Variants in AGMO observed in about 807,000 individuals in gnomAD.
AGMO encodes alkylglycerol monooxygenase.
In AGMO, 75 loss-of-function variants were observed where a neutral mutation model predicts 60.2. The ratio of observed to expected loss-of-function variants is 1.25; its 90% confidence interval spans 1.03 to 1.51. The LOEUF is 1.51. AGMO is among the 40% of genes most tolerant of loss of function. The pLI is 0.00. For synonymous variants in AGMO, 261 were observed against 177.1 expected (o/e 1.47, Z -3.76); for missense variants, 763 against 525.5 (o/e 1.45, Z -4.42).
At position 15,441,939 on chromosome 7, in the gene AGMO, G is replaced by T. The variant is rs577051092; in HGVS notation, c.410-10831C>A. Among the ~76,000 whole-genome samples, 58 of 152,182 alleles carry T rather than the reference G, an allele frequency of 3.8e-4. 1 individual carries two copies. In the South Asian group the frequency reaches 6.2e-3, roughly 16 times the overall value. ...ACCCCTGTCAACAAAATCTTACCAG[G>T]ATCTCTTTGCTACTAATCAGGACTT... On this transcript the variant is annotated intron_variant, in intron 3 of 12. Transcript: ENST00000342526.
chr7:15,233,615 A>C (rs1482692361), intron 12 of AGMO, among the ~76,000 whole-genome samples: 1 of 152,004 alleles, frequency 6.6e-6, no homozygotes, highest in Non-Finnish European at 1.5e-5. Context: ...ATTACACAGC[A>C]TTGTCCATGT....
At chr7:15,199,282 C>G (rs573672514), downstream of AGMO, among the ~76,000 whole-genome samples, 4 of 152,156 alleles carry the variant, frequency 2.6e-5, no homozygotes, top group South Asian at 8.3e-4. Flanking sequence ...AATAGAAAAC[C>G]ATTCACAATC....
At chr7:15,350,312 T>C (rs1782194344) in intron 12 of AGMO, among the ~76,000 whole-genome samples, 1 of 152,122 alleles carries the variant, frequency 6.6e-6, no homozygotes, top group Non-Finnish European at 1.5e-5. Context: ...TGGTAAATAT[T>C]CAGCAAATAT....
intron 12 of AGMO, among the ~76,000 whole-genome samples, chr7:15,249,713 T>C (rs890138502): frequency 6.6e-6 from 1 of 151,988 alleles, no homozygotes; most frequent in Admixed American, 6.6e-5. Flanking sequence ...AAAGGGGTGG[T>C]GGGATTTGAA....
chr7:15,208,776 T>C (rs1338992124), intron 12 of AGMO, among the ~76,000 whole-genome samples: 1 of 152,218 alleles, frequency 6.6e-6, no homozygotes, highest in Admixed American at 6.5e-5. Flanking sequence ...TTTCATTTAA[T>C]TTTTCTGCAT....
chr7:15,126,969 T>C, the AGMO span, among the ~76,000 whole-genome samples: 1 of 152,206 alleles, frequency 6.6e-6, no homozygotes, highest in Middle Eastern at 3.4e-3. Context: ...AACCCAAACA[T>C]TTCCTTTCTA....
rs187325282 is a variant in AGMO, at chr7:15,529,803, T to G, written c.409+14969A>C. ...TTCTCTATATATATTTCTCTATATATATATTCTATATATATATTTCCATAT... is the reference window on the plus strand; with the variant it reads ...TTCTCTATATATATTTCTCTATATAGATATTCTATATATATATTTCCATAT... On this transcript the variant is annotated intron_variant, in intron 3 of 12. Coordinates refer to ENST00000342526, the MANE Select transcript of AGMO (RefSeq NM_001004320.2). Among the ~76,000 whole-genome samples the G allele has an allele frequency of 1.2e-3, 67 of 54,322 alleles. 14 individuals carry two copies. Among genetic ancestry groups the G allele is most frequent in the African/African-American group, 6.7e-3 (63 of 9,402 alleles). The allele number at this position is 54,322 out of a possible 152,430, so 35.6% of individuals were successfully genotyped here.
intron 5 of AGMO, among the ~76,000 whole-genome samples, chr7:15,401,085 T>C (rs1011435381): frequency 6.6e-6 from 1 of 152,134 alleles, no homozygotes; most frequent in South Asian, 2.1e-4. Flanking sequence ...AAATGCTTAC[T>C]CTGATCACAA....
chr7:15,296,102 A>C (rs576320472), intron 12 of AGMO, among the ~76,000 whole-genome samples: 1 of 152,314 alleles, frequency 6.6e-6, no homozygotes, highest in East Asian at 1.9e-4. Context: ...ATTTGACTTA[A>C]GATGTTAGTC....
At chr7:15,497,802 G>C (rs1783272173) in intron 3 of AGMO, among the ~76,000 whole-genome samples, 1 of 152,022 alleles carries the variant, frequency 6.6e-6, no homozygotes, top group South Asian at 2.1e-4. Flanking sequence ...GCATTTTTGG[G>C]TCCATCTCTA....
intron 12 of AGMO, among the ~76,000 whole-genome samples, chr7:15,360,244 T>C (rs913822910): frequency 1.3e-5 from 2 of 152,136 alleles, no homozygotes; most frequent in African/African-American, 4.8e-5. Context: ...AAAATTAAAA[T>C]AACTACAAGC....
At chr7:15,394,950 TTC>T (rs1784310499) in intron 5 of AGMO, among the ~76,000 whole-genome samples, 1 of 152,196 alleles carries the variant, frequency 6.6e-6, no homozygotes, top group Non-Finnish European at 1.5e-5. Context: ...ATTCCCCTAG[TTC>T]TGAGTCTATA....
intron 3 of AGMO, among the ~76,000 whole-genome samples, chr7:15,528,465 TA>T (rs746925331): frequency 2.0e-5 from 3 of 152,066 alleles, no homozygotes; most frequent in Non-Finnish European, 4.4e-5. Context: ...TGTCTTGTGG[TA>T]ATCCTGATCT....
intron 3 of AGMO, among the ~76,000 whole-genome samples, chr7:15,531,347 CTATATATATTCTA>C (rs1442035433): frequency 0.068 from 3,478 of 51,208 alleles, 367 homozygotes; most frequent in Non-Finnish European, 0.094. Flanking sequence ...TATATATATT[CTATATATATTCTA>C]TATATATATT....
chr7:15,413,612 T>C (rs1432869577), intron 5 of AGMO, among the ~76,000 whole-genome samples: 1 of 152,082 alleles, frequency 6.6e-6, no homozygotes, highest in African/African-American at 2.4e-5. Context: ...AATAATGATA[T>C]GAAAATTGAA....
chr7:15,457,339 A>G (rs1782025258), intron 3 of AGMO, among the ~76,000 whole-genome samples: 1 of 152,186 alleles, frequency 6.6e-6, no homozygotes, highest in South Asian at 2.1e-4. Context: ...GCTATCCTGC[A>G]GTAAAGAAAC....
intron 12 of AGMO, among the ~76,000 whole-genome samples, chr7:15,289,567 A>C (rs1338112482): frequency 6.6e-6 from 1 of 152,130 alleles, no homozygotes; most frequent in African/African-American, 2.4e-5. Context: ...GTCTAATTGC[A>C]TAAGCAGTTC....
chr7:15,161,172 CA>C, the AGMO span, among the ~76,000 whole-genome samples: 1 of 152,144 alleles, frequency 6.6e-6, no homozygotes. Context: ...AAGATTCCAA[CA>C]AATGCTTTTG....
intron 12 of AGMO, among the ~76,000 whole-genome samples, chr7:15,222,335 G>A (rs1399171173): frequency 1.3e-5 from 2 of 152,002 alleles, no homozygotes; most frequent in African/African-American, 4.8e-5. Flanking sequence ...TTGGAAGTCA[G>A]AATGAACTTA....
Sources: gnomAD v4.1 joint callset for allele counts (sites outside exome capture counted in the v4.1 genomes callset) on GRCh38, gnomAD v4.1.1 for gene constraint, MANE v1.5 for transcripts, NCBI Gene and HGNC (gene_info 2026-07-23, HGNC 2026-07-21) for gene names.